The following DYNC2H1 variants were observed in gnomAD, a reference collection of about 807,000 sequenced individuals.
DYNC2H1 encodes the protein dynein cytoplasmic 2 heavy chain 1.
Under a neutral mutation model 570.0 loss-of-function variants are expected in DYNC2H1, and 410 were observed. The observed-to-expected ratio is 0.72, with a 90% CI of 0.66 to 0.78. DYNC2H1 has a LOEUF of 0.78. DYNC2H1 is among the 30% of genes least tolerant of loss of function. The pLI, the probability that DYNC2H1 is intolerant of heterozygous loss-of-function variation, is 0.00. For synonymous variants in DYNC2H1, 1,688 were observed against 1,677.6 expected, an observed-to-expected ratio of 1.01 and a Z score of -0.15; for missense variants, 4,865 against 5,046.4, an observed-to-expected ratio of 0.96 and a Z score of 1.09.
Position 103,120,743 on chromosome 11 carries a change from CA to C in DYNC2H1, c.1195del (p.Ile399Ter). 1.2e-6 allele frequency: 2 copies of C among 1,601,816 alleles called. No homozygotes were observed. The highest frequency in any genetic ancestry group is 8.5e-7 in the Non-Finnish European group (1 of 1,173,498). On this transcript the variant is annotated frameshift_variant, in exon 8 of 89. Transcript: ENST00000375735. LOFTEE classifies it high-confidence loss of function. The part of the protein sequence containing the change: ...QYEKIIAPAE[Q>X]KIAGKLKNYI... ...TGAAAAGATTATTGCACCTGCGGAA[CA>C]AAAAATAGCAGGAAAATTGAAAAAT...
rs772773352 is a variant in DYNC2H1, at chr11:103,143,313, A to C, written c.2620A>C (p.Lys874Gln). Residue 874 changes from lysine (K) to glutamine (Q), a missense_variant, in exon 18 of 89, where the codon AAG (lysine) becomes CAG (glutamine). Physicochemically the swap from Lys to Gln is moderately conservative, Grantham distance 53. This residue lies in a region of DYNC2H1 where 1,936 missense variants were observed against 1,962.1 expected (regional missense o/e 0.99). Transcript: ENST00000375735. Reference sequence around the variant, plus strand: ...AGTTGATATGGAAGCTCTGGTGGAAAAGCATCTTTTTACTGTACATGATTG... The same window carrying C: ...AGTTGATATGGAAGCTCTGGTGGAACAGCATCTTTTTACTGTACATGATTG... ...GQVDMEALVE[K>Q]HLFTVHDWEK... 6.2e-7 allele frequency: 1 copy of C among 1,613,600 alleles called. No homozygotes were observed. Among genetic ancestry groups the C allele is most frequent in the South Asian group, 1.1e-5 (1 of 91,002 alleles).
chr11:103,117,351 C>T (rs1461940485), intron 5 of DYNC2H1, among the ~76,000 whole-genome samples: 1 of 149,888 alleles, frequency 6.7e-6, no homozygotes, highest in Admixed American at 6.7e-5. Flanking sequence ...CATATGTATA[C>T]ATGTGCCACG....
At chr11:103,124,645 G>A (rs1350995627) in intron 11 of DYNC2H1, among the ~76,000 whole-genome samples, 1 of 151,770 alleles carries the variant, frequency 6.6e-6, no homozygotes, top group Non-Finnish European at 1.5e-5. Context: ...TGAAACAAAG[G>A]GTAGAAGAAT....
intron 84 of DYNC2H1, among the ~76,000 whole-genome samples, chr11:103,422,939 C>T (rs941029742): frequency 6.6e-6 from 1 of 151,898 alleles, no homozygotes; most frequent in Non-Finnish European, 1.5e-5. Context: ...TAGAAAACTC[C>T]ATAATCTCAA....
chr11:103,408,569 A>G (rs1804255187), intron 84 of DYNC2H1, among the ~76,000 whole-genome samples: 1 of 152,002 alleles, frequency 6.6e-6, no homozygotes, highest in African/African-American at 2.4e-5. Context: ...AGAAATATTA[A>G]ATAGATAGAA....
At chr11:103,429,260 C>CA (rs35977617) in intron 84 of DYNC2H1, among the ~76,000 whole-genome samples, 23 of 148,100 alleles carry the variant, frequency 1.6e-4, no homozygotes, top group South Asian at 1.5e-3. Flanking sequence ...GACCCTGTCT[C>CA]AAAAAAAAAA....
At chr11:103,208,557 A>G (rs889312687) in intron 52 of DYNC2H1, among the ~76,000 whole-genome samples, 1 of 152,148 alleles carries the variant, frequency 6.6e-6, no homozygotes, top group Non-Finnish European at 1.5e-5. Context: ...TATGTGGAAC[A>G]TTGTAGTGGG....
intron 85 of DYNC2H1, chr11:103,454,978 C>T (rs559834972): frequency 9.6e-5 from 45 of 468,176 alleles, no homozygotes; most frequent in East Asian, 2.0e-4. Flanking sequence ...AACAATTGTG[C>T]AAGGAATCGT....
At chr11:103,134,227 A>T in intron 14 of DYNC2H1, 94 bp from the exon 15 acceptor site, 1 of 1,043,402 alleles carries the variant, frequency 9.6e-7, no homozygotes, top group South Asian at 1.4e-5. Flanking sequence ...AAACTTGATC[A>T]CTTGGTTAAG....
Position 103,468,678 on chromosome 11 carries a change from C to T in DYNC2H1, c.12738C>T (p.Leu4246=), listed in dbSNP as rs1446072257. Residue 4246 remains leucine (L), a synonymous_variant, in exon 88 of 89, where the codon CTC becomes CTT. Coordinates refer to ENST00000375735, the MANE Select transcript of DYNC2H1 (RefSeq NM_001377.3). ...QLDSPSVSSV[L]PCFMGWIPQD... ...ATTCTCCCAGCGTGTCATCAGTGCT[C>T]CCTTGTTTTATGGGCTGGATTCCAC... 6.2e-7 allele frequency: 1 copy of T among 1,613,194 alleles called. No homozygotes were observed. Among genetic ancestry groups the T allele is most frequent in the African/African-American group, 1.3e-5 (1 of 74,898 alleles).
At chr11:103,197,181 C>T (rs1862536381) in intron 47 of DYNC2H1, among the ~76,000 whole-genome samples, 1 of 151,354 alleles carries the variant, frequency 6.6e-6, no homozygotes, top group Non-Finnish European at 1.5e-5. Flanking sequence ...ACATCTATGT[C>T]CTTTCTCAAG....
At position 103,427,870 on chromosome 11, in the gene DYNC2H1, C is replaced by T. The variant is rs77449917; in HGVS notation, c.12367-8073C>T. Among the ~76,000 whole-genome samples, 432 of 152,070 alleles carry T rather than the reference C, an allele frequency of 2.8e-3. 3 individuals carry two copies. The East Asian group carries it at 0.032, about 11-fold the overall frequency. Reference sequence around the variant, plus strand: ...AGTCCACAGCAAATATTAACTAAATCGCTTTTTAAAAACTGTACACATTTT... The same window carrying T: ...AGTCCACAGCAAATATTAACTAAATTGCTTTTTAAAAACTGTACACATTTT... On this transcript the variant is annotated intron_variant, in intron 84 of 88. Coordinates refer to ENST00000375735, the MANE Select transcript of DYNC2H1 (RefSeq NM_001377.3).
rs1319837988 is a variant in DYNC2H1, at chr11:103,133,040, TAGTCCCACTGAA to T, written c.1954-513_1954-502del. On this transcript the variant is annotated intron_variant, in intron 13 of 88. Coordinates refer to ENST00000375735, the MANE Select transcript of DYNC2H1 (RefSeq NM_001377.3). The surrounding 1 kb of genome is among the most constrained non-coding windows in gnomAD (Gnocchi z 4.8). ...GGTGATGGAAGATCAGCTTTTTACT[TAGTCCCACTGAA>T]ACATTAGAAAGGGGTGATTTTCTCC... Among the ~76,000 whole-genome samples, 1 of 152,178 alleles carries T rather than the reference TAGTCCCACTGAA, an allele frequency of 6.6e-6. No individual in the cohort carries two copies. The highest frequency in any genetic ancestry group is 1.5e-5 in the Non-Finnish European group (1 of 68,032).
chr11:103,280,493 T>A lies in DYNC2H1; in HGVS notation c.10761+80T>A, dbSNP rs1866087915. On this transcript the variant is annotated intron_variant, in intron 71 of 88. Transcript: ENST00000375735. The surrounding 1 kb of genome is among the most constrained non-coding windows in gnomAD (Gnocchi z 4.7). ...GTGGATTTATGTTTAGATTAGAAAT[T>A]ATTTAGGCTAGAAATTATATATCAA... 12 of 1,211,920 alleles carry A rather than the reference T, an allele frequency of 9.9e-6. No homozygotes were observed. The highest frequency in any genetic ancestry group is 1.4e-5 in the Non-Finnish European group (12 of 845,672). The allele number at this position is 1,211,920 out of a possible 1,614,324, so 75.1% of individuals were successfully genotyped here. A position where few individuals can be genotyped will look rare whatever the true frequency, so the allele number is the denominator to read the frequency against.
chr11:103,251,006 TCTTG>T (rs1470834176), intron 65 of DYNC2H1, among the ~76,000 whole-genome samples: 2 of 152,116 alleles, frequency 1.3e-5, no homozygotes, highest in African/African-American at 2.4e-5. Context: ...TGAATTTTGC[TCTTG>T]CTTCATTTAA....
At chr11:103,320,117 C>T (rs1039882791) in intron 80 of DYNC2H1, among the ~76,000 whole-genome samples, 9 of 152,160 alleles carry the variant, frequency 5.9e-5, no homozygotes, top group Admixed American at 4.6e-4. Context: ...TTACTGTGAT[C>T]TGAGATTTAA....
At chr11:103,158,855 G>A (rs1311198838) in intron 27 of DYNC2H1, 46 bp downstream of exon 27, 3 of 1,490,616 alleles carry the variant, frequency 2.0e-6, no homozygotes, top group Admixed American at 2.2e-5. Flanking sequence ...TAAAGTACTT[G>A]ATATCTTAAT....
chr11:103,215,990 T>C (rs553831701), intron 55 of DYNC2H1, 132 bp downstream of exon 55: 120 of 1,150,614 alleles, frequency 1.0e-4, no homozygotes, highest in Non-Finnish European at 1.3e-4. Context: ...CAGACTGATA[T>C]TATGTCCTTA....
intron 12 of DYNC2H1, among the ~76,000 whole-genome samples, chr11:103,126,898 A>G (rs1041987273): frequency 2.0e-5 from 3 of 152,192 alleles, no homozygotes; most frequent in African/African-American, 7.2e-5. Context: ...TTGGCCTCCC[A>G]AAGTGCTGGG....
Sources: gnomAD v4.1 joint callset for allele counts (sites outside exome capture counted in the v4.1 genomes callset) on GRCh38, gnomAD v4.1.1 for gene constraint, gnomAD v4.1.1 regional missense constraint, Gnocchi (gnomAD v3.1) non-coding constraint, MANE v1.5 for transcripts, NCBI Gene and HGNC (gene_info 2026-07-23, HGNC 2026-07-21) for gene names.